Variants in MAMDC4 observed in about 807,000 individuals in gnomAD.
MAMDC4 encodes the protein MAM domain containing 4.
MAMDC4 carries 168 observed loss-of-function variants against 153.3 expected under a neutral mutation model. That is an observed-to-expected ratio of 1.10 (90% CI 0.97 to 1.25). MAMDC4 has a LOEUF of 1.25. Among genes scored for constraint, MAMDC4 ranks in the 50% most tolerant of loss-of-function variants. The probability of loss-of-function intolerance (pLI) is 0.00; values close to 1 mark genes in which losing one functional copy is unlikely to be tolerated. For synonymous variants in MAMDC4, 744 were observed against 651.5 expected, an observed-to-expected ratio of 1.14 and a Z score of -2.16; for missense variants, 1,701 against 1,542.8, an observed-to-expected ratio of 1.10 and a Z score of -1.72.
In MAMDC4 at chr9:136,856,652, T is replaced by C. The variant is rs542253045; in HGVS notation, c.1721-58T>C. 1.9e-6 allele frequency: 3 copies of C among 1,558,234 alleles called. No individual in the cohort carries two copies. In the East Asian group the frequency reaches 6.7e-5, roughly 35 times the overall value. ...CAGGGACCCCGGAGCTTCCACCTTC[T>C]CAGGGCTCTGGAGGGGGAGGGGAGA... On this transcript the variant is annotated intron_variant, in intron 14 of 26. Transcript: ENST00000317446.
chr9:136,858,435 AG>A lies in MAMDC4; in HGVS notation c.2711del (p.Ser904ThrfsTer87). ...TTTTGAGTCTGGCCTGTGTGGCTGG[AG>A]CCACCTGGCCTGGCCCGGCCTGGGC... is the stretch of plus-strand genomic sequence containing the variant. The part of the protein sequence containing the change: ...CDFESGLCGW[S>X]HLAWPGLGGY... On this transcript the variant is annotated frameshift_variant, in exon 22 of 27. Coordinates refer to ENST00000317446, the MANE Select transcript of MAMDC4 (RefSeq NM_206920.3). LOFTEE classifies it high-confidence loss of function. The A allele has an allele frequency of 6.2e-7, 1 of 1,605,630 alleles. No homozygotes were observed. Among genetic ancestry groups the A allele is most frequent in the East Asian group, 2.2e-5 (1 of 44,852 alleles).
chr9:136,857,226 C>A lies in MAMDC4; in HGVS notation c.2034C>A (p.Gly678=), dbSNP rs2131237115. The A allele has an allele frequency of 6.2e-7, 1 of 1,610,610 alleles. No individual in the cohort carries two copies. The highest frequency in any genetic ancestry group is 2.2e-5 in the East Asian group (1 of 44,782). The change falls in exon 17 of 27, where the codon GGC becomes GGA. Residue 678 remains glycine, a synonymous_variant. Transcript: ENST00000317446. ...GEETHLWSRS[G]TQGNRWHEAW... Reference sequence around the variant, plus strand: ...AGACACACCTGTGGTCGCGGTCAGGCACCCAGGGCAACCGCTGGCACGAGG... The same window carrying A: ...AGACACACCTGTGGTCGCGGTCAGGAACCCAGGGCAACCGCTGGCACGAGG...
chr9:136,857,357 C>T lies in MAMDC4; in HGVS notation c.2107-10C>T. 4 of 1,608,492 alleles carry T rather than the reference C, an allele frequency of 2.5e-6. No individual in the cohort carries two copies. The highest frequency in any genetic ancestry group is 1.7e-4 in the Middle Eastern group (1 of 6,058). ...AGGGCCCCTGGCCAGCTGACACCCT[C>T]CACCCCCAGCTGCTGTTCGAGGGCC... On this transcript the variant is annotated splice_polypyrimidine_tract_variant and intron_variant, in intron 17 of 26. Transcript: ENST00000317446.
Position 136,859,250 on chromosome 9 carries a change from G to A in MAMDC4, c.3126G>A (p.Gly1042=), listed in dbSNP as rs763449170. 1 of 1,612,108 alleles carries A rather than the reference G, an allele frequency of 6.2e-7. No homozygotes were observed. Among genetic ancestry groups the A allele is most frequent in the African/African-American group, 1.3e-5 (1 of 74,922 alleles). Residue 1042 remains glycine (G), a synonymous_variant, in exon 25 of 27, where the codon GGG becomes GGA. Transcript: ENST00000317446. ...EATLGGQPAL[G]PIALDDVEYL... ...CTCTGGGCGGCCAGCCAGCCCTGGG[G>A]CCCATTGCCCTGGATGACGTGGAGT...
In MAMDC4 at chr9:136,855,651, G is replaced by C. The variant is rs769397676; in HGVS notation, c.1471+32G>C. ...GGGCTCAACCTCCTGCAGACCTCCT[G>C]CTGCGGAGCCAAGGGGGTAGGCGCC... is the stretch of plus-strand genomic sequence containing the variant. On this transcript the variant is annotated intron_variant, in intron 12 of 26. Coordinates refer to ENST00000317446, the MANE Select transcript of MAMDC4 (RefSeq NM_206920.3). The C allele has an allele frequency of 2.6e-6, 4 of 1,566,268 alleles. No homozygotes were observed. In the South Asian group the frequency reaches 3.5e-5, roughly 14 times the overall value.
Position 136,856,047 on chromosome 9 carries a change from G to C in MAMDC4, c.1618G>C (p.Gly540Arg). 2.5e-6 allele frequency: 4 copies of C among 1,612,264 alleles called. No individual in the cohort carries two copies. Among genetic ancestry groups the C allele is most frequent in the African/African-American group, 1.3e-5 (1 of 75,022 alleles). The change falls in exon 14 of 27, where the codon GGG (glycine) becomes CGG (arginine). Residue 540 changes from glycine (G) to arginine (R), a missense_variant. Transcript: ENST00000317446. The stretch of plus-strand genomic sequence containing the variant: ...CTTCCTGTCTCTGCAGCGGGCCTGG[G>C]GGCAGCTAGGCGCTGAGGCCCGGGT... ...GHFLSLQRAW[G>R]QLGAEARVLT...
At chr9:136,856,411 C>T (rs374156685) in intron 14 of MAMDC4, 44 of 794,794 alleles carry the variant, frequency 5.5e-5, no homozygotes, top group South Asian at 6.7e-5. Flanking sequence ...GTGGGAGCTC[C>T]GCTGGAGCGG....
At position 136,857,464 on chromosome 9, in the gene MAMDC4, C is replaced by T. The variant is rs965988882; in HGVS notation, c.2204C>T (p.Ser735Phe). Residue 735 changes from serine (S) to phenylalanine (F), a missense_variant, in exon 18 of 27, where the codon TCC (serine) becomes TTC (phenylalanine). Coordinates refer to ENST00000317446, the MANE Select transcript of MAMDC4 (RefSeq NM_206920.3). The part of the protein sequence containing the change: ...PGPCWAPNYC[S>F]FEDSDCGFSP... ...CCCTGCTGGGCCCCTAATTACTGCT[C>T]CTTTGAGGACTCAGACTGCGGCTTC... is the stretch of plus-strand genomic sequence containing the variant. 6.2e-7 allele frequency: 1 copy of T among 1,609,082 alleles called. No homozygotes were observed. The highest frequency in any genetic ancestry group is 1.1e-5 in the South Asian group (1 of 91,088).
rs750487299 is a variant in MAMDC4, at chr9:136,859,895, C to T, written c.3203C>T (p.Ala1068Val). 4 of 1,611,640 alleles carry T rather than the reference C, an allele frequency of 2.5e-6. No homozygotes were observed. The South Asian group carries it at 3.3e-5, about 13-fold the overall frequency. Reference protein sequence around the residue: ...QQPAPSPGNTAAPGSVPAVVG... With the variant: ...QQPAPSPGNTVAPGSVPAVVG... The stretch of plus-strand genomic sequence containing the variant: ...TCCCTATGGCCCACAGGGAACACAG[C>T]CGCACCCGGGTCTGTGCCAGCTGTG... The change falls in exon 26 of 27, where the codon GCC (alanine) becomes GTC (valine). Residue 1068 changes from alanine (A) to valine (V), a missense_variant. Physicochemically the swap from Ala to Val is moderately conservative, Grantham distance 64 (BLOSUM62 0). Transcript: ENST00000317446.
In MAMDC4 at chr9:136,856,153, C is replaced by G; in HGVS notation, c.1720+4C>G. On this transcript the variant is annotated splice_donor_region_variant and intron_variant, in intron 14 of 26. Coordinates refer to ENST00000317446, the MANE Select transcript of MAMDC4 (RefSeq NM_206920.3). ...TATTTACAGAGCCAGCCCCGAGGTA[C>G]CGCCACACTCCGCAAGTTCCCTGGC... The G allele has an allele frequency of 6.2e-7, 1 of 1,611,736 alleles. No homozygotes were observed. Among genetic ancestry groups the G allele is most frequent in the Non-Finnish European group, 8.5e-7 (1 of 1,179,384 alleles).
rs1564385397 is a variant in MAMDC4, at chr9:136,854,200, GC to G, written c.671-7del. On this transcript the variant is annotated splice_polypyrimidine_tract_variant and intron_variant, in intron 6 of 26. Coordinates refer to ENST00000317446, the MANE Select transcript of MAMDC4 (RefSeq NM_206920.3). ...GGGGCCTCGGTGAAGGGTTAACCCT[GC>G]CCCACCCAGCCCCCCAGGCCAACTG... The G allele has an allele frequency of 3.1e-6, 5 of 1,611,522 alleles. No homozygotes were observed. Among genetic ancestry groups the G allele is most frequent in the Non-Finnish European group, 4.2e-6 (5 of 1,179,382 alleles).
rs745879737 is a variant in MAMDC4 at position 136,858,809 on chromosome 9, C to T, written c.2912C>T (p.Ser971Phe). 3.4e-5 allele frequency: 55 copies of T among 1,610,564 alleles called. No individual in the cohort carries two copies. The highest frequency in any genetic ancestry group is 4.5e-5 in the Non-Finnish European group (53 of 1,178,820). The change falls in exon 23 of 27, where the codon TCC (serine) becomes TTC (phenylalanine). Residue 971 changes from serine to phenylalanine, a missense_variant. Ser to Phe is a radical substitution (Grantham distance 155). Transcript: ENST00000317446. ...RSEPLPATPA[S>F]CLRFWYHMGF... The stretch of plus-strand genomic sequence containing the variant: ...GAGCCTCTGCCGGCCACCCCAGCCT[C>T]CTGCCTCCGCTTCTGGTACCACATG...
Position 136,855,632 on chromosome 9 carries a change from A to C in MAMDC4, c.1471+13A>C, listed in dbSNP as rs781746514. The stretch of plus-strand genomic sequence containing the variant: ...GAGCAGGCCTGTGGTAAAGGGGCTC[A>C]ACCTCCTGCAGACCTCCTGCTGCGG... On this transcript the variant is annotated intron_variant, in intron 12 of 26. Coordinates refer to ENST00000317446, the MANE Select transcript of MAMDC4 (RefSeq NM_206920.3). The C allele has an allele frequency of 1.9e-6, 3 of 1,569,024 alleles. No homozygotes were observed. In the African/African-American group the frequency reaches 4.0e-5, roughly 21 times the overall value.
rs764918248 is a variant in MAMDC4 at position 136,855,526 on chromosome 9, G to A, written c.1378G>A (p.Gly460Arg). The A allele has an allele frequency of 6.3e-6, 10 of 1,593,338 alleles. No homozygotes were observed. In the East Asian group the frequency reaches 1.8e-4, roughly 29 times the overall value. ...GCGGCTCCAGGATTCCTGCAAGCAG[G>A]GGCATCTTGCCTGCGGGGACCTGTG... ...SSRLQDSCKQ[G>R]HLACGDLCVP... The change falls in exon 12 of 27, where the codon GGG becomes AGG. Residue 460 changes from glycine to arginine, a missense_variant. Transcript: ENST00000317446.
At position 136,855,578 on chromosome 9, in the gene MAMDC4, TC is replaced by T; in HGVS notation, c.1431del (p.Phe477LeufsTer66). ...GTGCCCCCGGAACAACTGTGTGACT[TC>T]GAGGAGCAGTGCGCAGGGGGCGAGG... ...LCVPPEQLCDFEEQCAGGEDE... is the reference protein window; with the variant it reads ...LCVPPEQLCDXEEQCAGGEDE... On this transcript the variant is annotated frameshift_variant, in exon 12 of 27. Transcript: ENST00000317446. LOFTEE classifies it high-confidence loss of function. The T allele has an allele frequency of 3.1e-6, 5 of 1,590,898 alleles. No homozygotes were observed. Among genetic ancestry groups the T allele is most frequent in the Non-Finnish European group, 4.3e-6 (5 of 1,168,972 alleles).
intron 14 of MAMDC4, 179 bp from the exon 15 acceptor site, chr9:136,856,531 C>A (rs912920374): frequency 1.0e-5 from 8 of 799,640 alleles, no homozygotes; most frequent in Admixed American, 1.7e-5. Flanking sequence ...GACAACGTGA[C>A]CCTGAGGGAC....
At chr9:136,859,388 CT>C in intron 25 of MAMDC4, 71 bp downstream of exon 25, 1 of 1,377,782 alleles carries the variant, frequency 7.3e-7, no homozygotes, top group Non-Finnish European at 9.9e-7. Context: ...GTTTGCCAGG[CT>C]TACCAGTGTG....
At position 136,853,666 on chromosome 9, in the gene MAMDC4, T is replaced by C. The variant is rs977049938; in HGVS notation, c.450T>C (p.Ser150=). 4.4e-5 allele frequency: 60 copies of C among 1,372,786 alleles called. No individual in the cohort carries two copies. Among genetic ancestry groups the C allele is most frequent in the Non-Finnish European group, 5.8e-5 (60 of 1,030,084 alleles). The allele number at this position is 1,372,786 out of a possible 1,614,324, so 85.0% of individuals were successfully genotyped here. Residue 150 remains serine (S), a synonymous_variant, in exon 4 of 27, where the codon TCT becomes TCC. Coordinates refer to ENST00000317446, the MANE Select transcript of MAMDC4 (RefSeq NM_206920.3). ...TGAGGCTCTGGTACCACGCGGCCTC[T>C]GGAGGTGCACCCTGGACCCCCAAGG... ...CKLRLWYHAA[S]GDVAELRVEL... is the part of the protein sequence containing the mutation.
At position 136,857,550 on chromosome 9, in the gene MAMDC4, G is replaced by A. The variant is rs906887480; in HGVS notation, c.2290G>A (p.Gly764Ser). Residue 764 changes from glycine (G) to serine (S), a missense_variant, in exon 18 of 27, where the codon GGC becomes AGC. By Grantham distance (56) the Gly-to-Ser change is moderately conservative. Transcript: ENST00000317446. ...QANASGHAAW[G>S]PPTDHTTETA... The stretch of plus-strand genomic sequence containing the variant: ...CAATGCCTCGGGCCATGCTGCCTGG[G>A]GCCCCCCAACAGACCATACCACTGA... 6.2e-7 allele frequency: 1 copy of A among 1,611,936 alleles called. No individual in the cohort carries two copies. The highest frequency in any genetic ancestry group is 1.3e-5 in the African/African-American group (1 of 75,048).
Sources: gnomAD v4.1 joint callset for allele counts on GRCh38, gnomAD v4.1.1 for gene constraint, MANE v1.5 for transcripts, NCBI Gene and HGNC (gene_info 2026-07-23, HGNC 2026-07-21) for gene names.